The following TEK variants were observed in gnomAD, a reference collection of about 807,000 sequenced individuals.
The protein encoded by TEK is angiopoietin-1 receptor.
In TEK, 43 loss-of-function variants were observed where a neutral mutation model predicts 131.8. The observed-to-expected ratio is 0.33, with a 90% CI of 0.26 to 0.42. The LOEUF (loss-of-function observed/expected upper bound fraction) is 0.42, where lower values mean the gene tolerates loss of function less well. Ranked by LOEUF, TEK falls within the 10% of genes least tolerant of loss-of-function variation. The pLI is 1.00. For missense variants in TEK, 1,162 were observed against 1,384.4 expected, an observed-to-expected ratio of 0.84 and a Z score of 2.55; for synonymous variants, 580 against 491.6, an observed-to-expected ratio of 1.18 and a Z score of -2.38.
chr9:27,110,630 G>T (rs1004963916), intron 1 of TEK, among the ~76,000 whole-genome samples: 3 of 152,130 alleles, frequency 2.0e-5, no homozygotes, highest in Admixed American at 1.3e-4. Context: ...AATATAATTT[G>T]ATTCGAGTAT....
At chr9:27,170,590 C>G (rs1823918216) in intron 4 of TEK, among the ~76,000 whole-genome samples, 1 of 142,224 alleles carries the variant, frequency 7.0e-6, no homozygotes, top group Admixed American at 7.3e-5. Context: ...GTTGAAAGAG[C>G]AAGACCTTGT....
At position 27,212,822 on chromosome 9, in the gene TEK, C is replaced by T. The variant is rs769727900; in HGVS notation, c.2802C>T (p.Ser934=). Residue 934 remains serine, a synonymous_variant, in exon 17 of 23, where the codon TCC becomes TCT. Coordinates refer to ENST00000380036, the MANE Select transcript of TEK (RefSeq NM_000459.5). ...TTGCCATTGCCAATAGCACCGCGTC[C>T]ACACTGTCCTCCCAGCAGCTCCTTC... is the stretch of plus-strand genomic sequence containing the variant. ...PAFAIANSTA[S]TLSSQQLLHF... The T allele has an allele frequency of 1.3e-5, 21 of 1,614,098 alleles. No homozygotes were observed. The Middle Eastern group carries it at 4.9e-4, about 38-fold the overall frequency.
intron 11 of TEK, among the ~76,000 whole-genome samples, chr9:27,196,785 T>TA (rs1226972929): frequency 2.8e-5 from 4 of 141,628 alleles, no homozygotes; most frequent in African/African-American, 5.5e-5. Flanking sequence ...TTTTTTTTTT[T>TA]ACTGTTTCAT....
chr9:27,170,080 A>G (rs932426734), intron 4 of TEK, among the ~76,000 whole-genome samples: 1 of 152,338 alleles, frequency 6.6e-6, no homozygotes, highest in East Asian at 1.9e-4. Context: ...CCTTCTTCAC[A>G]TGGCGGCAGG....
At chr9:27,166,480 A>T (rs1339258818) in intron 2 of TEK, among the ~76,000 whole-genome samples, 1 of 152,206 alleles carries the variant, frequency 6.6e-6, no homozygotes, top group East Asian at 1.9e-4. Flanking sequence ...TGTTAGATGC[A>T]TATATAATTT....
chr9:27,117,479 G>A, intron 1 of TEK, among the ~76,000 whole-genome samples: 1 of 151,966 alleles, frequency 6.6e-6, no homozygotes, highest in Admixed American at 6.6e-5. Context: ...TCTTCCCCCA[G>A]CCCCACCCCC....
At chr9:27,120,501 A>G (rs1821745487) in intron 1 of TEK, among the ~76,000 whole-genome samples, 1 of 152,290 alleles carries the variant, frequency 6.6e-6, no homozygotes, top group African/African-American at 2.4e-5. Context: ...TAATGATCCC[A>G]GGAAGCAAGA....
chr9:27,181,700 G>A (rs984963535), intron 7 of TEK, among the ~76,000 whole-genome samples: 51 of 152,274 alleles, frequency 3.3e-4, no homozygotes, highest in African/African-American at 1.2e-3. Context: ...AGAAAACATG[G>A]CTTGCAAAGC....
rs931946508 is a variant in TEK at position 27,207,438 on chromosome 9, C to T, written c.2575+646C>T. Among the ~76,000 whole-genome samples, 7 of 152,172 alleles carry T rather than the reference C, an allele frequency of 4.6e-5. No homozygotes were observed. The South Asian group carries it at 1.0e-3, about 23-fold the overall frequency. ...TGTACACTCAGGTTTGCAGAGAAAACCACTGACTTAAGGTCATAAGAACTA... is the reference window on the plus strand; with the variant it reads ...TGTACACTCAGGTTTGCAGAGAAAATCACTGACTTAAGGTCATAAGAACTA... On this transcript the variant is annotated intron_variant, in intron 15 of 22. Transcript: ENST00000380036.
chr9:27,216,001 G>C (rs766302941), intron 18 of TEK, among the ~76,000 whole-genome samples: 6 of 152,154 alleles, frequency 3.9e-5, no homozygotes, highest in Non-Finnish European at 7.4e-5. Context: ...AGAGGAAAAG[G>C]AAAGCATGAA....
chr9:27,120,259 A>G (rs1481730529), intron 1 of TEK, among the ~76,000 whole-genome samples: 1 of 152,230 alleles, frequency 6.6e-6, no homozygotes, highest in Non-Finnish European at 1.5e-5. Flanking sequence ...CAGTTTCCAA[A>G]CATTCATGTT....
At chr9:27,151,713 G>A (rs1046087247) in intron 1 of TEK, among the ~76,000 whole-genome samples, 8 of 152,104 alleles carry the variant, frequency 5.3e-5, no homozygotes, top group African/African-American at 1.2e-4. Context: ...TATAAGCTAC[G>A]AGACGGTTGT....
chr9:27,112,862 T>C (rs1234669642), intron 1 of TEK, among the ~76,000 whole-genome samples: 1 of 152,262 alleles, frequency 6.6e-6, no homozygotes, highest in Non-Finnish European at 1.5e-5. Context: ...GTATATTTAA[T>C]GTGGGAGAGA....
chr9:27,198,956 C>A (rs1055778131), intron 12 of TEK, among the ~76,000 whole-genome samples: 3 of 152,210 alleles, frequency 2.0e-5, no homozygotes, highest in Admixed American at 6.5e-5. Context: ...CGCCACCACA[C>A]CTGACTTTTT....
intron 1 of TEK, among the ~76,000 whole-genome samples, chr9:27,145,990 G>T (rs930066195): frequency 6.6e-6 from 1 of 152,176 alleles, no homozygotes; most frequent in Non-Finnish European, 1.5e-5. Context: ...CCATGTGCCT[G>T]CCAGTTTTAT....
At chr9:27,143,894 A>G (rs1822817672) in intron 1 of TEK, among the ~76,000 whole-genome samples, 1 of 152,184 alleles carries the variant, frequency 6.6e-6, no homozygotes, top group East Asian at 1.9e-4. Context: ...AGCATGAGCC[A>G]AGTCTTGAAG....
At position 27,114,777 on chromosome 9, in the gene TEK, T is replaced by C. The variant is rs146774259; in HGVS notation, c.52+5135T>C. Among the ~76,000 whole-genome samples, 17 of 152,334 alleles carry C rather than the reference T, an allele frequency of 1.1e-4. No homozygotes were observed. The East Asian group carries it at 2.9e-3, about 26-fold the overall frequency. ...TGTTAGGTGTGAAACATAAAAGATATACTCATAAAAGTGGTTCTAACCAGG... is the reference window on the plus strand; with the variant it reads ...TGTTAGGTGTGAAACATAAAAGATACACTCATAAAAGTGGTTCTAACCAGG... On this transcript the variant is annotated intron_variant, in intron 1 of 22. Transcript: ENST00000380036.
chr9:27,197,179 T>C, intron 11 of TEK, 136 bp from the exon 12 acceptor site: 1 of 865,240 alleles, frequency 1.2e-6, no homozygotes, highest in Non-Finnish European at 1.8e-6. Context: ...GAAGTCACAC[T>C]CATCAACCAA....
At chr9:27,173,484 C>T in intron 6 of TEK, 122 bp downstream of exon 6, 2 of 1,224,642 alleles carry the variant, frequency 1.6e-6, no homozygotes, top group South Asian at 2.5e-5. Flanking sequence ...TACTGGACAA[C>T]AGGATTTTGA....
Sources: allele counts gnomAD v4.1 joint callset (sites outside exome capture counted in the v4.1 genomes callset), GRCh38; gene constraint gnomAD v4.1.1; transcripts MANE v1.5; gene names NCBI Gene and HGNC (gene_info 2026-07-23, HGNC 2026-07-21).